DLGAP1: variants seen among roughly 807,000 people sequenced by gnomAD.
DLGAP1 encodes disks large-associated protein 1.
DLGAP1 carries 11 observed loss-of-function variants against 90.8 expected under a neutral mutation model. That is an observed-to-expected ratio of 0.12 (90% CI 0.08 to 0.20). The LOEUF is 0.20. DLGAP1 is among the 10% of genes least tolerant of loss of function. The pLI is 1.00. For missense variants in DLGAP1, 1,050 were observed against 1,333.8 expected, an observed-to-expected ratio of 0.79 and a Z score of 3.31; for synonymous variants, 558 against 540.7, an observed-to-expected ratio of 1.03 and a Z score of -0.44.
chr18:3,548,000 C>T (rs1291184562), intron 9 of DLGAP1, among the ~76,000 whole-genome samples: 1 of 152,092 alleles, frequency 6.6e-6, no homozygotes, highest in East Asian at 1.9e-4. Flanking sequence ...ACACAAAAGG[C>T]CACATATTGT....
chr18:4,249,083 A>C (rs2078719360), intron 1 of DLGAP1, among the ~76,000 whole-genome samples: 1 of 152,130 alleles, frequency 6.6e-6, no homozygotes, highest in South Asian at 2.1e-4. Context: ...GAAAATCCCG[A>C]GGCACTCCCC....
chr18:4,069,371 C>A (rs147508386), intron 2 of DLGAP1, among the ~76,000 whole-genome samples: 62 of 152,214 alleles, frequency 4.1e-4, no homozygotes, highest in Admixed American at 1.3e-3. Context: ...TTGTAAAGTG[C>A]AAGTCATACT....
chr18:3,995,488 A>T (rs1448842721), intron 3 of DLGAP1: 3 of 152,166 alleles, frequency 2.0e-5, no homozygotes, highest in African/African-American at 7.2e-5. Context: ...CTTGTCCCTA[A>T]ACTTATGGGC....
chr18:3,518,737 G>A (rs2050992978), intron 10 of DLGAP1, among the ~76,000 whole-genome samples: 1 of 152,072 alleles, frequency 6.6e-6, no homozygotes, highest in Non-Finnish European at 1.5e-5. Flanking sequence ...ATTACTTAAT[G>A]GAATAATATA....
At chr18:3,975,957 G>T (rs2073563300) in intron 3 of DLGAP1, among the ~76,000 whole-genome samples, 1 of 152,086 alleles carries the variant, frequency 6.6e-6, no homozygotes, top group African/African-American at 2.4e-5. Flanking sequence ...GGGGTGCAGA[G>T]TTTCCACTTG....
intron 3 of DLGAP1, among the ~76,000 whole-genome samples, chr18:3,900,816 G>A (rs1203168305): frequency 1.3e-5 from 2 of 152,094 alleles, no homozygotes; most frequent in Non-Finnish European, 2.9e-5. Flanking sequence ...TCCTTATTTG[G>A]TTTCGGGTAC....
At chr18:4,264,108 A>G (rs1041426552) in intron 1 of DLGAP1, among the ~76,000 whole-genome samples, 1 of 152,226 alleles carries the variant, frequency 6.6e-6, no homozygotes, top group African/African-American at 2.4e-5. Flanking sequence ...AAAATGGAAA[A>G]TTCATAAAGT....
intron 2 of DLGAP1, among the ~76,000 whole-genome samples, chr18:4,063,997 G>A (rs2075336882): frequency 6.6e-6 from 1 of 152,138 alleles, no homozygotes; most frequent in Middle Eastern, 3.4e-3. Flanking sequence ...TCAAATCCAA[G>A]TGTTTCCTAA....
intron 4 of DLGAP1, among the ~76,000 whole-genome samples, chr18:3,825,575 A>AT (rs1011693488): frequency 5.9e-5 from 9 of 151,954 alleles, no homozygotes; most frequent in South Asian, 2.1e-4. Context: ...AATTTTGTGG[A>AT]TTTTTTTTCC....
intron 1 of DLGAP1, among the ~76,000 whole-genome samples, chr18:4,274,222 C>T (rs1256455335): frequency 6.6e-6 from 1 of 152,090 alleles, no homozygotes; most frequent in Non-Finnish European, 1.5e-5. Context: ...CATTTTCAGT[C>T]ATCTCAAAGT....
chr18:4,150,207 C>T (rs375542130), intron 2 of DLGAP1, among the ~76,000 whole-genome samples: 34 of 152,264 alleles, frequency 2.2e-4, no homozygotes, highest in African/African-American at 5.3e-4. Context: ...AAGCAAGTAA[C>T]GCAGACAAAG....
intron 1 of DLGAP1, among the ~76,000 whole-genome samples, chr18:4,222,421 G>T (rs118102277): frequency 0.017 from 2,595 of 152,234 alleles, 30 homozygotes; most frequent in Non-Finnish European, 0.024. Flanking sequence ...TTCCCAGCAT[G>T]ATAAATCAAA....
chr18:4,022,294 C>T (rs2074624241), intron 2 of DLGAP1, among the ~76,000 whole-genome samples: 1 of 150,908 alleles, frequency 6.6e-6, no homozygotes, highest in Non-Finnish European at 1.5e-5. Context: ...TTACTTTGTT[C>T]TCTATTATCT....
intron 1 of DLGAP1, among the ~76,000 whole-genome samples, chr18:4,354,241 A>C (rs1386047020): frequency 2.6e-5 from 4 of 152,130 alleles, no homozygotes; most frequent in Non-Finnish European, 4.4e-5. Context: ...AGTCACAGAA[A>C]CCAGAACCCC....
chr18:3,809,052 CCTGGGAGACATTTCCTGTAGA>C (rs2066701520), intron 5 of DLGAP1, among the ~76,000 whole-genome samples: 1 of 152,152 alleles, frequency 6.6e-6, no homozygotes, highest in African/African-American at 2.4e-5. Flanking sequence ...CTGAAAGGTT[CCTGGGAGACATTTCCTGTAGA>C]CTAAGGATAG....
chr18:3,940,654 G>A (rs1378953671), intron 3 of DLGAP1, among the ~76,000 whole-genome samples: 1 of 152,172 alleles, frequency 6.6e-6, no homozygotes, highest in African/African-American at 2.4e-5. Context: ...TATAAAACTG[G>A]AGCATATAAA....
intron 7 of DLGAP1, among the ~76,000 whole-genome samples, chr18:3,679,689 C>T (rs2060439432): frequency 6.6e-6 from 1 of 151,216 alleles, no homozygotes; most frequent in African/African-American, 2.4e-5. Context: ...CCTATAATCC[C>T]AGCACTTTGG....
intron 6 of DLGAP1, among the ~76,000 whole-genome samples, chr18:3,730,206 T>C (rs2062370272): frequency 1.3e-5 from 2 of 152,160 alleles, no homozygotes; most frequent in Admixed American, 1.3e-4. Flanking sequence ...TAAGGCCTGA[T>C]TGCACCACTG....
chr18:3,635,223 C>T (rs769917804), intron 7 of DLGAP1, among the ~76,000 whole-genome samples: 131 of 151,908 alleles, frequency 8.6e-4, no homozygotes, highest in Middle Eastern at 6.8e-3. Flanking sequence ...CTCCGCCTCC[C>T]GGGTTCACGC....
Sources: allele counts gnomAD v4.1 joint callset (sites outside exome capture counted in the v4.1 genomes callset), GRCh38; gene constraint gnomAD v4.1.1; transcripts MANE v1.5; gene names NCBI Gene and HGNC (gene_info 2026-07-23, HGNC 2026-07-21).